The following WHRN variants were observed in gnomAD, a reference collection of about 807,000 sequenced individuals.
The protein encoded by WHRN is whirlin, also known as CASK-interacting protein CIP98.
WHRN carries 41 observed loss-of-function variants against 68.3 expected under a neutral mutation model. The ratio of observed to expected loss-of-function variants is 0.60; its 90% CI spans 0.47 to 0.78. The LOEUF is 0.78. Among genes scored for constraint, WHRN ranks in the 30% least tolerant of loss-of-function variants. The pLI, the probability that WHRN is intolerant of heterozygous loss-of-function variation, is 0.00. For synonymous variants in WHRN, 560 were observed against 561.3 expected (o/e 1.00, Z 0.03); for missense variants, 1,243 against 1,244.7 (o/e 1.00, Z 0.02).
intron 7 of WHRN, among the ~76,000 whole-genome samples, chr9:114,409,883 G>T (rs1475309779): frequency 1.3e-5 from 2 of 151,884 alleles, no homozygotes; most frequent in Non-Finnish European, 2.9e-5. Context: ...CCACCCAGCA[G>T]CTAGGGAGTC....
chr9:114,424,685 T>G, intron 5 of WHRN, 139 bp from the exon 6 acceptor site: 1 of 1,007,466 alleles, frequency 9.9e-7, no homozygotes, highest in African/African-American at 1.6e-5. Context: ...CCCAGCACCT[T>G]GCCTTGATAG....
At chr9:114,455,375 T>C (rs933163825) in intron 3 of WHRN, among the ~76,000 whole-genome samples, 20 of 151,896 alleles carry the variant, frequency 1.3e-4, no homozygotes, top group African/African-American at 4.8e-4. Flanking sequence ...CCACCATGCC[T>C]GAAAAGATGA....
At chr9:114,405,423 G>A (rs1405614478) in intron 9 of WHRN, among the ~76,000 whole-genome samples, 1 of 152,168 alleles carries the variant, frequency 6.6e-6, no homozygotes, top group Non-Finnish European at 1.5e-5. Context: ...GTAAAATGGA[G>A]ATAATAATAG....
chr9:114,435,475 T>C (rs1223701273), intron 3 of WHRN, among the ~76,000 whole-genome samples: 2 of 152,212 alleles, frequency 1.3e-5, no homozygotes, highest in Non-Finnish European at 2.9e-5. Context: ...ATTTGATTTT[T>C]ACAATCAAAG....
chr9:114,473,203 C>T (rs115371736), intron 2 of WHRN, among the ~76,000 whole-genome samples: 2,617 of 152,314 alleles, frequency 0.017, 72 homozygotes, highest in African/African-American at 0.057. Flanking sequence ...CTCAATAAAG[C>T]TCATGGGCAA....
At chr9:114,409,612 G>A (rs1019570240) in intron 7 of WHRN, among the ~76,000 whole-genome samples, 10 of 151,964 alleles carry the variant, frequency 6.6e-5, no homozygotes, top group African/African-American at 1.7e-4. Context: ...TGCCTTCTAC[G>A]AAGATCCCCT....
intron 3 of WHRN, among the ~76,000 whole-genome samples, chr9:114,429,314 G>A (rs1316240808): frequency 6.6e-6 from 1 of 152,192 alleles, no homozygotes; most frequent in African/African-American, 2.4e-5. Context: ...CATAATCTAG[G>A]AGGAAGCAAA....
At chr9:114,407,895 G>T in intron 8 of WHRN, 52 bp downstream of exon 8, 1 of 1,483,376 alleles carries the variant, frequency 6.7e-7, no homozygotes, top group East Asian at 2.4e-5. Context: ...AGAGCCACCA[G>T]GACCTGAGCA....
chr9:114,484,269 G>C (rs1026952837), intron 1 of WHRN, among the ~76,000 whole-genome samples: 1 of 152,194 alleles, frequency 6.6e-6, no homozygotes, highest in Non-Finnish European at 1.5e-5. Flanking sequence ...CAGGTGGTAA[G>C]TCACATCCAA....
At chr9:114,491,511 G>C (rs1263826252) in intron 1 of WHRN, 1 of 160,920 alleles carries the variant, frequency 6.2e-6, no homozygotes, top group East Asian at 1.6e-4. Context: ...CTGCAACATG[G>C]GACAGAATGA....
intron 11 of WHRN, 96 bp downstream of exon 11, chr9:114,403,121 C>T (rs1199855300): frequency 8.2e-6 from 13 of 1,577,944 alleles, no homozygotes; most frequent in Non-Finnish European, 1.1e-5. Context: ...CCCTTGAGTG[C>T]CGTGTTACCC....
intron 10 of WHRN, 144 bp downstream of exon 10, chr9:114,403,752 C>T (rs994068895): frequency 2.3e-5 from 23 of 1,022,198 alleles, no homozygotes; most frequent in African/African-American, 6.3e-5. Flanking sequence ...TCCTCCAGGA[C>T]GTCCAAATCC....
intron 3 of WHRN, among the ~76,000 whole-genome samples, chr9:114,437,596 T>C (rs1169898462): frequency 6.6e-6 from 1 of 152,112 alleles, no homozygotes; most frequent in Non-Finnish European, 1.5e-5. Context: ...GGGGTCCTAA[T>C]CCAAAAGGGT....
chr9:114,478,650 G>A lies in WHRN; in HGVS notation c.740C>T (p.Pro247Leu), dbSNP rs1478823101. Residue 247 changes from proline to leucine, a missense_variant, in exon 2 of 12, where the codon CCC (proline) becomes CTC (leucine). By Grantham distance (98) the Pro-to-Leu change is moderately conservative. Coordinates refer to ENST00000362057, the MANE Select transcript of WHRN (RefSeq NM_015404.4). ...VDPQGRSISP[P>L]SGLPQPHGGA... is the part of the protein sequence containing the mutation. ...ACCGTGGGGCTGGGGCAGGCCCGAG[G>A]GTGGGGAGATGCTGCGGCCCTGCGG... 4 of 1,613,754 alleles carry A rather than the reference G, an allele frequency of 2.5e-6. No individual in the cohort carries two copies. Among genetic ancestry groups the A allele is most frequent in the South Asian group, 1.1e-5 (1 of 91,012 alleles).
In WHRN at chr9:114,504,403, C is replaced by T; in HGVS notation, c.399G>A (p.Ala133=). The change falls in exon 1 of 12, where the codon GCG becomes GCA. Residue 133 remains alanine (A), a synonymous_variant. Coordinates refer to ENST00000362057, the MANE Select transcript of WHRN (RefSeq NM_015404.4). Reference sequence around the variant, plus strand: ...TCACCAGGCGCACCTCCCCTGGCCCCGCGCTGTCGGGGCCGCCCCAGGCGG... The same window carrying T: ...TCACCAGGCGCACCTCCCCTGGCCCTGCGCTGTCGGGGCCGCCCCAGGCGG... The part of the protein sequence containing the change: ...RQPAWGGPDS[A]GPGEVRLVSL... 2.5e-6 allele frequency: 4 copies of T among 1,605,590 alleles called. No homozygotes were observed. The highest frequency in any genetic ancestry group is 1.1e-5 in the South Asian group (1 of 91,010).
intron 7 of WHRN, among the ~76,000 whole-genome samples, chr9:114,412,722 G>C (rs1464587179): frequency 6.6e-6 from 1 of 152,208 alleles, no homozygotes; most frequent in Admixed American, 6.5e-5. Flanking sequence ...CCCAATCAGG[G>C]CCCAGGTATC....
intron 9 of WHRN, 56 bp downstream of exon 9, chr9:114,406,299 A>G: frequency 6.2e-7 from 1 of 1,609,426 alleles, no homozygotes; most frequent in South Asian, 1.1e-5. Context: ...AGGTAGACTG[A>G]CCTGAAGAGG....
In WHRN at chr9:114,424,529, G is replaced by A. The variant is rs1383604623; in HGVS notation, c.1221C>T (p.Gly407=). ...EGINKPGFYK[G]PAGSQVTLSS... ...TCAGGGTCACCTGGGAGCCGGCTGG[G>A]CCCTTGTAAAATCCTGGCTGCAAGA... The change falls in exon 6 of 12, where the codon GGC becomes GGT. Residue 407 remains glycine (G), a synonymous_variant. Coordinates refer to ENST00000362057, the MANE Select transcript of WHRN (RefSeq NM_015404.4). 1.2e-6 allele frequency: 2 copies of A among 1,612,772 alleles called. No homozygotes were observed. The highest frequency in any genetic ancestry group is 2.7e-5 in the African/African-American group (2 of 75,022).
chr9:114,414,758 C>G (rs1249474031), intron 7 of WHRN, among the ~76,000 whole-genome samples: 1 of 152,214 alleles, frequency 6.6e-6, no homozygotes, highest in Non-Finnish European at 1.5e-5. Context: ...GCTTTAATGC[C>G]TCTGGGCAAA....
Sources: allele counts gnomAD v4.1 joint callset (sites outside exome capture counted in the v4.1 genomes callset), GRCh38; gene constraint gnomAD v4.1.1; transcripts MANE v1.5; gene names NCBI Gene and HGNC (gene_info 2026-07-23, HGNC 2026-07-21).